The following SGCZ variants were observed in gnomAD, a reference collection of about 807,000 sequenced individuals.
The protein encoded by SGCZ is zeta-sarcoglycan.
A neutral mutation model predicts 41.3 loss-of-function variants in SGCZ; 40 were observed. The ratio of observed to expected loss-of-function variants is 0.97; its 90% CI spans 0.75 to 1.26. The LOEUF (loss-of-function observed/expected upper bound fraction) is 1.26, where lower values mean the gene tolerates loss of function less well. Among genes scored for constraint, SGCZ ranks in the 50% most tolerant of loss-of-function variants. SGCZ has a pLI of 0.00. For synonymous variants in SGCZ, 206 were observed against 137.5 expected, an observed-to-expected ratio of 1.50 and a Z score of -3.49; for missense variants, 552 against 369.8, an observed-to-expected ratio of 1.49 and a Z score of -4.04.
At position 15,004,186 on chromosome 8, in the gene SGCZ, G is replaced by C. The variant is rs998108406; in HGVS notation, c.39+233399C>G. On this transcript the variant is annotated intron_variant, in intron 1 of 7. Transcript: ENST00000382080. ...GAGCTAGATACATGCTGTTAAGGAC[G>C]GCAAGAGGAGAAAGGAGAAAAGTCC... 7.2e-5 allele frequency among the ~76,000 whole-genome samples: 11 copies of C among 152,088 alleles called. 1 individual carries two copies. The South Asian group carries it at 1.0e-3, about 14-fold the overall frequency.
chr8:14,631,678 C>T (rs1311749194), intron 1 of SGCZ, among the ~76,000 whole-genome samples: 1 of 152,074 alleles, frequency 6.6e-6, no homozygotes, highest in African/African-American at 2.4e-5. Context: ...AAAAACGTAA[C>T]ACTGACATTG....
chr8:15,188,016 TA>T (rs1800402057), intron 1 of SGCZ, among the ~76,000 whole-genome samples: 1 of 152,064 alleles, frequency 6.6e-6, no homozygotes, highest in South Asian at 2.1e-4. Flanking sequence ...AACATATATG[TA>T]ACAACTTACA....
intron 2 of SGCZ, among the ~76,000 whole-genome samples, chr8:14,430,141 T>C (rs1017769369): frequency 1.4e-5 from 2 of 143,832 alleles, no homozygotes; most frequent in African/African-American, 4.9e-5. Context: ...ATCAATTCCA[T>C]TGACACTATT....
chr8:14,400,419 G>A (rs1799039031), intron 2 of SGCZ, among the ~76,000 whole-genome samples: 1 of 151,914 alleles, frequency 6.6e-6, no homozygotes, highest in African/African-American at 2.4e-5. Flanking sequence ...TACCACTTTT[G>A]ACTATAAAGA....
At chr8:15,153,051 T>C (rs1799227425) in intron 1 of SGCZ, among the ~76,000 whole-genome samples, 1 of 152,174 alleles carries the variant, frequency 6.6e-6, no homozygotes. Context: ...CGTCAATAAC[T>C]TAACCAGAGT....
chr8:14,466,756 T>G (rs530105919), intron 2 of SGCZ, among the ~76,000 whole-genome samples: 1 of 152,038 alleles, frequency 6.6e-6, no homozygotes, highest in East Asian at 1.9e-4. Flanking sequence ...TCTAATAACT[T>G]TTTGTTCCAG....
Position 15,148,961 on chromosome 8 carries a change from C to A in SGCZ, c.39+88624G>T, listed in dbSNP as rs187701425. Among the ~76,000 whole-genome samples the A allele has an allele frequency of 5.5e-4, 84 of 152,260 alleles. 2 individuals carry two copies. Among genetic ancestry groups the A allele is most frequent in the Admixed American group, 5.2e-3 (80 of 15,302 alleles). ...CGAGCACTGAAATCAGGAGTAAAAGCAAACACGTATCACAGATATACTGCT... is the reference window on the plus strand; with the variant it reads ...CGAGCACTGAAATCAGGAGTAAAAGAAAACACGTATCACAGATATACTGCT... On this transcript the variant is annotated intron_variant, in intron 1 of 7. Coordinates refer to ENST00000382080, the MANE Select transcript of SGCZ (RefSeq NM_139167.4).
At chr8:14,151,103 G>A (rs577440718) in intron 5 of SGCZ, among the ~76,000 whole-genome samples, 74 of 152,176 alleles carry the variant, frequency 4.9e-4, no homozygotes, top group African/African-American at 1.7e-3. Context: ...AATAAGACCT[G>A]TTTGATAGCA....
At position 15,013,482 on chromosome 8, in the gene SGCZ, A is replaced by G. The variant is rs111473605; in HGVS notation, c.39+224103T>C. On this transcript the variant is annotated intron_variant, in intron 1 of 7. Coordinates refer to ENST00000382080, the MANE Select transcript of SGCZ (RefSeq NM_139167.4). Reference sequence around the variant, plus strand: ...TCCTCAAAGGCACGTGAAATCACTTAAGTAATGCCTATTTCCTTTTCCTAA... The same window carrying G: ...TCCTCAAAGGCACGTGAAATCACTTGAGTAATGCCTATTTCCTTTTCCTAA... 2.7e-3 allele frequency among the ~76,000 whole-genome samples: 416 copies of G among 152,282 alleles called. 9 individuals carry two copies. The South Asian group carries it at 0.043, about 16-fold the overall frequency.
chr8:14,764,348 C>T (rs1243549788), intron 1 of SGCZ, among the ~76,000 whole-genome samples: 1 of 152,202 alleles, frequency 6.6e-6, no homozygotes, highest in Non-Finnish European at 1.5e-5. Context: ...GAAATTACTT[C>T]TGAATTGCAA....
At chr8:14,122,989 T>A (rs1321841628) in intron 5 of SGCZ, among the ~76,000 whole-genome samples, 1 of 152,244 alleles carries the variant, frequency 6.6e-6, no homozygotes, top group African/African-American at 2.4e-5. Flanking sequence ...ATAAAGTGAA[T>A]CTTTTTAGTC....
At chr8:14,433,934 A>C (rs1800015625) in intron 2 of SGCZ, among the ~76,000 whole-genome samples, 1 of 151,810 alleles carries the variant, frequency 6.6e-6, no homozygotes, top group South Asian at 2.1e-4. Context: ...TTCAGTGATC[A>C]AGAATTACTA....
intron 1 of SGCZ, among the ~76,000 whole-genome samples, chr8:14,591,800 C>T (rs534167894): frequency 2.0e-5 from 3 of 152,176 alleles, no homozygotes; most frequent in Admixed American, 6.5e-5. Context: ...TTCATGTCAA[C>T]GAGACTTAAG....
chr8:14,116,747 A>C (rs1034809427), intron 5 of SGCZ, among the ~76,000 whole-genome samples: 6 of 152,034 alleles, frequency 3.9e-5, no homozygotes, highest in African/African-American at 1.4e-4. Context: ...AGCTCCATTT[A>C]CTTTCATTTG....
intron 1 of SGCZ, among the ~76,000 whole-genome samples, chr8:14,967,391 T>C (rs1801157221): frequency 1.3e-5 from 2 of 152,100 alleles, no homozygotes; most frequent in Admixed American, 6.6e-5. Context: ...CTTCCCTATT[T>C]CCATGCATCT....
intron 3 of SGCZ, among the ~76,000 whole-genome samples, chr8:14,241,478 T>C (rs1798888483): frequency 6.7e-6 from 1 of 148,242 alleles, no homozygotes; most frequent in Non-Finnish European, 1.5e-5. Context: ...ATCCTATATA[T>C]AATATATAGC....
chr8:14,261,472 T>C (rs1209300649), intron 3 of SGCZ, among the ~76,000 whole-genome samples: 1 of 152,162 alleles, frequency 6.6e-6, no homozygotes, highest in East Asian at 1.9e-4. Flanking sequence ...CCAATATTGT[T>C]CTTCTGAAGC....
chr8:14,604,014 C>T lies in SGCZ; in HGVS notation c.40-49088G>A, dbSNP rs141459156. Among the ~76,000 whole-genome samples the T allele has an allele frequency of 8.1e-4, 123 of 152,126 alleles. 1 individual carries two copies. The East Asian group carries it at 0.02, about 25-fold the overall frequency. On this transcript the variant is annotated intron_variant, in intron 1 of 7. Transcript: ENST00000382080. ...AACTGCCCTAAAAGTAATTCAACAT[C>T]CTTAACAATTCATCCCAACTAAAGC...
At position 14,165,706 on chromosome 8, in the gene SGCZ, T is replaced by C. The variant is rs368865525; in HGVS notation, c.425-1004A>G. ...GTCAGGGAAGTAGGAATCACACATG[T>C]GGGGCATAGTTCTTTTCATTTGTCT... On this transcript the variant is annotated intron_variant, in intron 4 of 7. Transcript: ENST00000382080. 7.2e-5 allele frequency among the ~76,000 whole-genome samples: 11 copies of C among 152,272 alleles called. No individual in the cohort carries two copies. The East Asian group carries it at 1.4e-3, about 19-fold the overall frequency.
Sources: gnomAD v4.1 joint callset for allele counts (sites outside exome capture counted in the v4.1 genomes callset) on GRCh38, gnomAD v4.1.1 for gene constraint, MANE v1.5 for transcripts, NCBI Gene and HGNC (gene_info 2026-07-23, HGNC 2026-07-21) for gene names.